Variants in MYO5A observed in about 807,000 individuals in gnomAD.
MYO5A encodes myosin VA.
Under a neutral mutation model 249.7 loss-of-function variants are expected in MYO5A, and 98 were observed. That is an observed-to-expected ratio of 0.39 (90% CI 0.33 to 0.46). MYO5A has a LOEUF of 0.46. MYO5A is among the 20% of genes least tolerant of loss of function. The pLI, the probability that MYO5A is intolerant of heterozygous loss-of-function variation, is 0.98. For missense variants in MYO5A, 1,696 were observed against 2,308.8 expected, an observed-to-expected ratio of 0.73 and a Z score of 5.44; for synonymous variants, 778 against 810.6, an observed-to-expected ratio of 0.96 and a Z score of 0.68.
In MYO5A at chr15:52,415,869, G is replaced by C. The variant is rs558903066; in HGVS notation, c.612+276C>G. 1.7e-3 allele frequency: 781 copies of C among 453,084 alleles called. 17 individuals are homozygous for C. The highest frequency in any genetic ancestry group is 0.017 in the South Asian group (761 of 44,474). The allele number at this position is 453,084 out of a possible 1,614,324, so 28.1% of individuals were successfully genotyped here. On this transcript the variant is annotated intron_variant, in intron 5 of 41. Coordinates refer to ENST00000399233, the MANE Select transcript of MYO5A (RefSeq NM_001382347.1). ...TTAATGAGGAGAAGGAAACTTAATT[G>C]CTGCCTGGTATTTAGGGGCAACAAT...
In MYO5A at chr15:52,506,214, G is replaced by A. The variant is rs544328504; in HGVS notation, c.27+22566C>T. On this transcript the variant is annotated intron_variant, in intron 1 of 41. Coordinates refer to ENST00000399233, the MANE Select transcript of MYO5A (RefSeq NM_001382347.1). ...AAAATACAAAAAATTAGCCGGGCAT[G>A]GTGGCAGGCACCTGTAGTCCCACCT... 4.6e-5 allele frequency among the ~76,000 whole-genome samples: 7 copies of A among 152,186 alleles called. No homozygotes were observed. The East Asian group carries it at 1.4e-3, about 29-fold the overall frequency.
intron 1 of MYO5A, among the ~76,000 whole-genome samples, chr15:52,461,951 C>T (rs1164842568): frequency 1.4e-5 from 2 of 143,950 alleles, no homozygotes; most frequent in East Asian, 2.1e-4. Context: ...GGCAACACAG[C>T]GAGACTCCAT....
chr15:52,384,981 A>C (rs933788480), intron 14 of MYO5A, among the ~76,000 whole-genome samples: 1 of 152,252 alleles, frequency 6.6e-6, no homozygotes, highest in African/African-American at 2.4e-5. Flanking sequence ...CAAGGGATTT[A>C]TAACTTCAAC....
Position 52,428,406 on chromosome 15 carries a change from G to A in MYO5A, c.302C>T (p.Thr101Met), listed in dbSNP as rs541009526. Residue 101 changes from threonine to methionine, a missense_variant, in exon 3 of 42, where the codon ACG becomes ATG. Coordinates refer to ENST00000399233, the MANE Select transcript of MYO5A (RefSeq NM_001382347.1). ...VRFIDSKLIYTYCGIVLVAIN... is the reference protein window; with the variant it reads ...VRFIDSKLIYMYCGIVLVAIN... The stretch of plus-strand genomic sequence containing the variant: ...AAGCAAAGCATACTTACCACAATAC[G>A]TATAAATAAGTTTGGAATCAATAAA... 6.8e-6 allele frequency: 11 copies of A among 1,613,602 alleles called. No individual in the cohort carries two copies. The highest frequency in any genetic ancestry group is 2.2e-5 in the East Asian group (1 of 44,868).
intron 1 of MYO5A, among the ~76,000 whole-genome samples, chr15:52,514,611 C>T (rs1354888909): frequency 1.3e-5 from 2 of 152,132 alleles, no homozygotes; most frequent in African/African-American, 4.8e-5. Flanking sequence ...AGGCCCAGGG[C>T]GAAGGCAGGT....
chr15:52,327,678 T>C (rs62015998), intron 36 of MYO5A, among the ~76,000 whole-genome samples, 174 bp downstream of exon 36: 235 of 152,246 alleles, frequency 1.5e-3, no homozygotes, highest in Non-Finnish European at 2.7e-3. Flanking sequence ...CTACTGTACT[T>C]CAGCCTAGGT....
intron 30 of MYO5A, 49 bp from the exon 31 acceptor site, chr15:52,343,246 G>A: frequency 1.4e-6 from 2 of 1,475,188 alleles, no homozygotes; most frequent in Non-Finnish European, 1.9e-6. Flanking sequence ...GATACAGGAT[G>A]CTGATGAGGT....
chr15:52,424,435 CAGAA>C (rs1186774666), intron 4 of MYO5A, among the ~76,000 whole-genome samples: 12 of 152,080 alleles, frequency 7.9e-5, no homozygotes, highest in African/African-American at 2.9e-4. Flanking sequence ...ATACCAAACT[CAGAA>C]AGTTGCTATA....
chr15:52,492,138 AT>A (rs922849553), intron 1 of MYO5A, among the ~76,000 whole-genome samples: 3 of 152,142 alleles, frequency 2.0e-5, no homozygotes, highest in African/African-American at 7.2e-5. Context: ...AGATATATAG[AT>A]TTTTTTAAGT....
rs748209448 is a variant in MYO5A, at chr15:52,488,987, T to C, written c.27+39793A>G. Among the ~76,000 whole-genome samples, 7 of 152,176 alleles carry C rather than the reference T, an allele frequency of 4.6e-5. 1 individual carries two copies. Among genetic ancestry groups the C allele is most frequent in the Admixed American group, 2.6e-4 (4 of 15,272 alleles). On this transcript the variant is annotated intron_variant, in intron 1 of 41. Coordinates refer to ENST00000399233, the MANE Select transcript of MYO5A (RefSeq NM_001382347.1). ...CCACAGCAAGCAGTTGTCAATAGCA[T>C]AACTAAATTTAGAACCTTAACTTAT...
At chr15:52,438,492 T>C (rs1031748503) in intron 1 of MYO5A, among the ~76,000 whole-genome samples, 1 of 152,164 alleles carries the variant, frequency 6.6e-6, no homozygotes, top group Non-Finnish European at 1.5e-5. Flanking sequence ...AAAGCCCCTG[T>C]TGAGAGACAG....
chr15:52,528,707 C>G (rs1693513), intron 1 of MYO5A, 73 bp downstream of exon 1: 1 of 1,456,398 alleles, frequency 6.9e-7, no homozygotes, highest in African/African-American at 1.5e-5. Flanking sequence ...GCTCCCGCCC[C>G]CTCCCCAGCC....
Position 52,321,408 on chromosome 15 carries a change from G to T in MYO5A, c.4902C>A (p.Ile1634=). Residue 1634 remains isoleucine (I), a synonymous_variant, in exon 38 of 42, where the codon ATC becomes ATA. Transcript: ENST00000399233. ...CTAACACCCGCACGAGCTGCTGGTAGATCTGAATGGCCAAGTCACTCAGCA... is the reference window on the plus strand; with the variant it reads ...CTAACACCCGCACGAGCTGCTGGTATATCTGAATGGCCAAGTCACTCAGCA... ...RQVLSDLAIQ[I]YQQLVRVLEN... 5.6e-6 allele frequency: 9 copies of T among 1,614,212 alleles called. No individual in the cohort carries two copies. Among genetic ancestry groups the T allele is most frequent in the Non-Finnish European group, 7.6e-6 (9 of 1,180,050 alleles).
chr15:52,359,801 T>C (rs1339124028), intron 25 of MYO5A, among the ~76,000 whole-genome samples, 167 bp downstream of exon 25: 1 of 152,210 alleles, frequency 6.6e-6, no homozygotes. Context: ...CACTTAAGTA[T>C]ACAAAAATGT....
chr15:52,392,250 G>A (rs973675254), intron 11 of MYO5A, among the ~76,000 whole-genome samples, 180 bp from the exon 12 acceptor site: 1 of 152,090 alleles, frequency 6.6e-6, no homozygotes, highest in Non-Finnish European at 1.5e-5. Flanking sequence ...CAGCTACGTA[G>A]GATTCTTGGT....
At chr15:52,382,895 T>G (rs533280194) in intron 16 of MYO5A, among the ~76,000 whole-genome samples, 196 bp downstream of exon 16, 2 of 152,306 alleles carry the variant, frequency 1.3e-5, no homozygotes, top group African/African-American at 4.8e-5. Context: ...GGCTGCTAAT[T>G]TACTCTCACA....
At chr15:52,463,125 G>A (rs1291065014) in intron 1 of MYO5A, among the ~76,000 whole-genome samples, 2 of 152,152 alleles carry the variant, frequency 1.3e-5, no homozygotes, top group African/African-American at 2.4e-5. Flanking sequence ...TTTTTCTTGA[G>A]TGACAGGTAC....
At chr15:52,446,568 G>C (rs1158112914) in intron 1 of MYO5A, among the ~76,000 whole-genome samples, 1 of 152,220 alleles carries the variant, frequency 6.6e-6, no homozygotes, top group African/African-American at 2.4e-5. Flanking sequence ...GCATTGCCTA[G>C]TGGAGCTGTG....
At chr15:52,412,347 A>G (rs2043286464) in intron 5 of MYO5A, among the ~76,000 whole-genome samples, 1 of 152,250 alleles carries the variant, frequency 6.6e-6, no homozygotes, top group East Asian at 1.9e-4. Flanking sequence ...GAGAAGAGGC[A>G]GGGATTGGCT....
Sources: gnomAD v4.1 joint callset for allele counts (sites outside exome capture counted in the v4.1 genomes callset) on GRCh38, gnomAD v4.1.1 for gene constraint, MANE v1.5 for transcripts, NCBI Gene and HGNC (gene_info 2026-07-23, HGNC 2026-07-21) for gene names.